Variants in PCNT observed in about 807,000 individuals in gnomAD.
The protein encoded by PCNT is pericentrin, also known as kendrin.
A neutral mutation model predicts 380.4 loss-of-function variants in PCNT; 319 were observed. That is an observed-to-expected ratio of 0.84 (90% confidence interval 0.77 to 0.92). The LOEUF is 0.92. Ranked by LOEUF, PCNT falls within the 40% of genes least tolerant of loss-of-function variation. PCNT has a pLI of 0.00. For missense variants in PCNT, 4,400 were observed against 4,255.3 expected (o/e 1.03, Z -0.95); for synonymous variants, 1,845 against 1,735.2 (o/e 1.06, Z -1.57).
chr21:46,427,255 C>A (rs535067614), intron 33 of PCNT, among the ~76,000 whole-genome samples: 2 of 152,248 alleles, frequency 1.3e-5, no homozygotes, highest in Admixed American at 1.3e-4. Flanking sequence ...TGTGTGTCTT[C>A]TCTTCTGTCA....
Position 46,416,479 on chromosome 21 carries a change from C to T in PCNT, c.6561C>T (p.Asp2187=), listed in dbSNP as rs1238942505. The T allele has an allele frequency of 6.2e-7, 1 of 1,614,028 alleles. No homozygotes were observed. The highest frequency in any genetic ancestry group is 8.5e-7 in the Non-Finnish European group (1 of 1,180,032). The change falls in exon 30 of 47, where the codon GAC becomes GAT. Residue 2187 remains aspartate (D), a synonymous_variant. Transcript: ENST00000359568. ...TTCAAGAAAAATCAGAATGTCAGGA[C>T]ATGTCTCTTTCTTCACCGACCAGCG... is the stretch of plus-strand genomic sequence containing the variant. ...SPIQEKSECQ[D]MSLSSPTSVL... is the part of the protein sequence containing the mutation.
chr21:46,398,820 CTTTTTTTT>C (rs11331073), intron 24 of PCNT, among the ~76,000 whole-genome samples: 1 of 114,560 alleles, frequency 8.7e-6, no homozygotes, highest in South Asian at 2.9e-4. Flanking sequence ...TTTTCTTTTT[CTTTTTTTT>C]TTTTTTTTTG....
At chr21:46,385,085 T>A (rs1024720568) in intron 16 of PCNT, among the ~76,000 whole-genome samples, 1 of 152,206 alleles carries the variant, frequency 6.6e-6, no homozygotes, top group African/African-American at 2.4e-5. Context: ...CCTGGCACCA[T>A]GGCTCACACC....
At chr21:46,374,003 C>G (rs2147041639) in intron 15 of PCNT, among the ~76,000 whole-genome samples, 2 of 152,308 alleles carry the variant, frequency 1.3e-5, no homozygotes, top group Non-Finnish European at 2.9e-5. Context: ...GCTGGGATTA[C>G]AGGCGTGAGC....
rs774856071 is a variant in PCNT, at chr21:46,416,126, G to A, written c.6208G>A (p.Val2070Met). ...QLPKVDLVAQ[V>M]KQLQEKLNRL... ...GCCGAAGGTCGATCTCGTAGCTCAG[G>A]TGAAACAGCTTCAGGAAAAACTGAA... Residue 2070 changes from valine to methionine, a missense_variant, in exon 30 of 47, where the codon GTG (valine) becomes ATG (methionine). Val to Met is a conservative substitution (Grantham distance 21). Transcript: ENST00000359568. The A allele has an allele frequency of 1.1e-5, 18 of 1,614,182 alleles. No individual in the cohort carries two copies. In the East Asian group the frequency reaches 4.0e-4, roughly 36 times the overall value.
intron 12 of PCNT, among the ~76,000 whole-genome samples, chr21:46,356,074 G>C (rs2084463387): frequency 6.6e-6 from 1 of 152,224 alleles, no homozygotes; most frequent in African/African-American, 2.4e-5. Flanking sequence ...GGGCTGTGGG[G>C]TCAGAAGGTG....
intron 17 of PCNT, among the ~76,000 whole-genome samples, chr21:46,387,915 A>C (rs1478519238): frequency 6.6e-6 from 1 of 152,038 alleles, no homozygotes; most frequent in East Asian, 1.9e-4. Flanking sequence ...TGTGTGTAAA[A>C]ACAGAAGCAT....
At chr21:46,337,298 C>T (rs1340231471) in intron 3 of PCNT, among the ~76,000 whole-genome samples, 2 of 152,050 alleles carry the variant, frequency 1.3e-5, no homozygotes, top group Non-Finnish European at 2.9e-5. Flanking sequence ...CTTATTTGTT[C>T]AACTCTCCTG....
chr21:46,424,683 CGCCCTGCTCCCCCG>C (rs72475721), intron 32 of PCNT, among the ~76,000 whole-genome samples: 51,092 of 143,398 alleles, frequency 0.36, 9,872 homozygotes, highest in East Asian at 0.55. Flanking sequence ...GCCTGCCCGC[CGCCCTGCTCCCCCG>C]GCCCTGCTCC....
chr21:46,396,262 A>G (rs955178029), intron 21 of PCNT, among the ~76,000 whole-genome samples: 7 of 152,202 alleles, frequency 4.6e-5, no homozygotes, highest in Non-Finnish European at 7.3e-5. Context: ...TATCACAGAC[A>G]CACGTTTGTG....
At chr21:46,341,747 C>T (rs1014559761) in intron 3 of PCNT, among the ~76,000 whole-genome samples, 6 of 151,974 alleles carry the variant, frequency 3.9e-5, no homozygotes, top group Non-Finnish European at 5.9e-5. Flanking sequence ...GTGGCACAAT[C>T]GTAGCTTACT....
intron 12 of PCNT, among the ~76,000 whole-genome samples, chr21:46,356,315 C>G (rs75669445): frequency 0.047 from 7,171 of 152,300 alleles, 222 homozygotes; most frequent in Non-Finnish European, 0.063. Flanking sequence ...CTGGGCCTGC[C>G]TGGGCCTCCT....
chr21:46,396,923 C>T lies in PCNT; in HGVS notation c.4217-342C>T, dbSNP rs150112890. Among the ~76,000 whole-genome samples the T allele has an allele frequency of 2.3e-3, 345 of 152,256 alleles. 1 individual carries two copies. Among genetic ancestry groups the T allele is most frequent in the African/African-American group, 7.8e-3 (325 of 41,554 alleles). On this transcript the variant is annotated intron_variant, in intron 21 of 46. Coordinates refer to ENST00000359568, the MANE Select transcript of PCNT (RefSeq NM_006031.6). ...CGACCTAGATTCGCTTTTGATTTAC[C>T]GATGGGGCGTTTGCCTTTCCCCTAG... is the stretch of plus-strand genomic sequence containing the variant.
intron 1 of PCNT, among the ~76,000 whole-genome samples, chr21:46,325,945 C>CTA (rs1368587639): frequency 6.6e-6 from 1 of 152,184 alleles, no homozygotes. Context: ...GTCTCAGAAT[C>CTA]TATGGCTAGG....
At chr21:46,419,857 T>C (rs2087175571) in intron 31 of PCNT, among the ~76,000 whole-genome samples, 1 of 152,136 alleles carries the variant, frequency 6.6e-6, no homozygotes. Context: ...CCTCCCACCT[T>C]AGCCTCCCAA....
intron 17 of PCNT, among the ~76,000 whole-genome samples, chr21:46,386,687 G>C (rs2085850087): frequency 6.6e-6 from 1 of 152,220 alleles, no homozygotes; most frequent in African/African-American, 2.4e-5. Context: ...GTGGGGTCTT[G>C]AGAAACTTTT....
At chr21:46,417,280 G>A (rs13339999) in intron 30 of PCNT, among the ~76,000 whole-genome samples, 26,284 of 133,904 alleles carry the variant, frequency 0.2, 4,278 homozygotes, top group African/African-American at 0.46. Context: ...TGCAGCCTCC[G>A]CCTCCCCAGG....
rs183253000 is a variant in PCNT, at chr21:46,404,718, G to A, written c.5115+2235G>A. 9.2e-5 allele frequency among the ~76,000 whole-genome samples: 14 copies of A among 152,316 alleles called. No individual in the cohort carries two copies. The East Asian group carries it at 2.5e-3, about 27-fold the overall frequency. ...TATTCTCAGCACTTTGGGAGACTGA[G>A]GAGGGTGGGTTACTTGAGCTCAGGA... On this transcript the variant is annotated intron_variant, in intron 27 of 46. Transcript: ENST00000359568.
At chr21:46,334,973 T>C (rs2083686262) in intron 3 of PCNT, among the ~76,000 whole-genome samples, 1 of 152,208 alleles carries the variant, frequency 6.6e-6, no homozygotes, top group East Asian at 1.9e-4. Context: ...TGCCTGTGAA[T>C]GGGAAGCCTC....
Sources: gnomAD v4.1 joint callset for allele counts (sites outside exome capture counted in the v4.1 genomes callset) on GRCh38, gnomAD v4.1.1 for gene constraint, MANE v1.5 for transcripts, NCBI Gene and HGNC (gene_info 2026-07-23, HGNC 2026-07-21) for gene names.